NINJ2: variants seen among roughly 807,000 people sequenced by gnomAD.
NINJ2 encodes the protein ninjurin-2.
A neutral mutation model predicts 11.7 loss-of-function variants in NINJ2; 12 were observed. That is an observed-to-expected ratio of 1.02 (90% CI 0.66 to 1.66). NINJ2 has a LOEUF of 1.66. NINJ2 is among the 40% of genes most tolerant of loss of function. NINJ2 has a pLI of 0.00. For missense variants in NINJ2, 187 were observed against 181.8 expected (o/e 1.03, Z -0.16); for synonymous variants, 93 against 76.8 (o/e 1.21, Z -1.10).
In NINJ2 at chr12:564,537, A is replaced by G. The variant is rs1471796949; in HGVS notation, c.*163T>C. 1.3e-5 allele frequency: 2 copies of G among 152,208 alleles called. No individual in the cohort carries two copies. The highest frequency in any genetic ancestry group is 2.4e-5 in the African/African-American group (1 of 41,422). 9.4% of individuals were successfully genotyped at this position (152,208 alleles called of 1,614,324 possible). ...GATGGAAGTCCCTTAGACCAATAAC[A>G]TAAAAATCACTTTTTAACTCAGGTG... On this transcript the variant is annotated 3_prime_UTR_variant, in exon 4 of 4. Transcript: ENST00000305108.
At chr12:652,858 A>T (rs1937814162) in intron 1 of NINJ2, among the ~76,000 whole-genome samples, 1 of 150,862 alleles carries the variant, frequency 6.6e-6, no homozygotes, top group Non-Finnish European at 1.5e-5. Context: ...GAGGCAGGAG[A>T]ATCGCTTGAA....
intron 1 of NINJ2, among the ~76,000 whole-genome samples, chr12:634,405 G>A (rs555419890): frequency 1.8e-3 from 269 of 150,486 alleles, no homozygotes; most frequent in African/African-American, 3.5e-3. Context: ...GATTACTGGC[G>A]CCCACCACCA....
chr12:580,314 A>T lies in NINJ2; in HGVS notation c.34-14136T>A, dbSNP rs61919369. ...TGAATGATGCATTTGTCAGCAGTGC[A>T]TGGTGGCTCACACCTGTAATCCCAG... On this transcript the variant is annotated intron_variant, in intron 1 of 3. Transcript: ENST00000305108. This position sits in a 1 kb window ranked among gnomAD's most constrained non-coding sequence, Gnocchi z 4.7. 6.6e-6 allele frequency among the ~76,000 whole-genome samples: 1 copy of T among 151,976 alleles called. No individual in the cohort carries two copies. The highest frequency in any genetic ancestry group is 2.4e-5 in the African/African-American group (1 of 41,334).
At chr12:578,952 C>A (rs895385889) in intron 1 of NINJ2, among the ~76,000 whole-genome samples, 7 of 152,202 alleles carry the variant, frequency 4.6e-5, no homozygotes, top group African/African-American at 1.7e-4. Flanking sequence ...CTGAGAGCCT[C>A]TCGTTTTTGC....
At position 566,017 on chromosome 12, in the gene NINJ2, G is replaced by T. The variant is rs774711830; in HGVS notation, c.195C>A (p.Thr65=). The stretch of plus-strand genomic sequence containing the variant: ...GAGAGAGGCTGATGAGGGTGACCAG[G>T]GTGGTGTAGTAGTGAGAGGATGGTC... ...EQGPSSHYYT[T]LVTLISLSLL... Residue 65 remains threonine (T), a synonymous_variant, in exon 2 of 4, where the codon ACC becomes ACA. Coordinates refer to ENST00000305108, the MANE Select transcript of NINJ2 (RefSeq NM_016533.6). 1 of 1,614,100 alleles carries T rather than the reference G, an allele frequency of 6.2e-7. No individual in the cohort carries two copies. The highest frequency in any genetic ancestry group is 8.5e-7 in the Non-Finnish European group (1 of 1,180,048).
At chr12:636,690 A>G (rs925168179) in intron 1 of NINJ2, among the ~76,000 whole-genome samples, 1 of 152,144 alleles carries the variant, frequency 6.6e-6, no homozygotes, top group Non-Finnish European at 1.5e-5. Context: ...ACAACTTCTT[A>G]CCTGTTAGGA....
At chr12:654,001 G>C (rs1476100785) in intron 1 of NINJ2, among the ~76,000 whole-genome samples, 3 of 152,150 alleles carry the variant, frequency 2.0e-5, no homozygotes, top group African/African-American at 7.2e-5. Context: ...AGTAAGACTA[G>C]CCTGGGCAAT....
intron 1 of NINJ2, among the ~76,000 whole-genome samples, chr12:659,077 TTA>T (rs56102442): frequency 0.22 from 32,471 of 147,028 alleles, 3,755 homozygotes; most frequent in East Asian, 0.33. Flanking sequence ...ATATAACTGC[TTA>T]TATATATATA....
At chr12:623,273 T>C (rs1400716294) in intron 1 of NINJ2, among the ~76,000 whole-genome samples, 1 of 152,192 alleles carries the variant, frequency 6.6e-6, no homozygotes. Context: ...TGCAGACCTG[T>C]GGTCCTTGAA....
intron 1 of NINJ2, among the ~76,000 whole-genome samples, chr12:587,573 A>AG (rs1022266360): frequency 6.6e-6 from 1 of 152,058 alleles, no homozygotes; most frequent in Non-Finnish European, 1.5e-5. Context: ...TACAGCTGGG[A>AG]GGGGAGCTGG....
At chr12:652,245 CGGAGA>C (rs2120529552) in intron 1 of NINJ2, among the ~76,000 whole-genome samples, 1 of 152,178 alleles carries the variant, frequency 6.6e-6, no homozygotes, top group African/African-American at 2.4e-5. Context: ...CAGACACATG[CGGAGA>C]AGAAAGTGGA....
intron 1 of NINJ2, among the ~76,000 whole-genome samples, chr12:641,979 A>ACACCACCT (rs2120490231): frequency 6.6e-6 from 1 of 152,268 alleles, no homozygotes; most frequent in East Asian, 1.9e-4. Flanking sequence ...ATCTAGCGGA[A>ACACCACCT]CACCACCTTT....
chr12:638,562 C>T (rs573796207), intron 1 of NINJ2, among the ~76,000 whole-genome samples: 1 of 152,282 alleles, frequency 6.6e-6, no homozygotes, highest in East Asian at 1.9e-4. Context: ...ACTACAGGCG[C>T]CCGCCACCAC....
intron 1 of NINJ2, among the ~76,000 whole-genome samples, chr12:582,412 C>T (rs1482729037): frequency 3.1e-5 from 3 of 95,316 alleles, no homozygotes; most frequent in Middle Eastern, 5.6e-3. Flanking sequence ...AATGAATGGA[C>T]GCAGGCAGGC....
At chr12:565,562 C>T (rs1326005873) in intron 2 of NINJ2, 161 bp from the exon 3 acceptor site, 22 of 726,784 alleles carry the variant, frequency 3.0e-5, no homozygotes, top group East Asian at 5.2e-5. Flanking sequence ...CCTCTGCCCT[C>T]GCCAACCAGT....
At chr12:649,022 C>CTATCTATCTA (rs1937742259) in intron 1 of NINJ2, among the ~76,000 whole-genome samples, 1 of 151,770 alleles carries the variant, frequency 6.6e-6, no homozygotes, top group African/African-American at 2.4e-5. Flanking sequence ...ATCTATCTAT[C>CTATCTATCTA]TATCTATCTA....
chr12:571,321 G>A (rs1267801459), intron 1 of NINJ2, among the ~76,000 whole-genome samples: 1 of 152,262 alleles, frequency 6.6e-6, no homozygotes, highest in Non-Finnish European at 1.5e-5. Context: ...GCAACAAGAG[G>A]ACGTGGGTTT....
chr12:604,844 C>T (rs1441247772), intron 1 of NINJ2, among the ~76,000 whole-genome samples: 2 of 152,202 alleles, frequency 1.3e-5, no homozygotes, highest in Non-Finnish European at 2.9e-5. Context: ...CCCTCAAAGC[C>T]TGTTGACAGA....
chr12:565,672 G>A (rs1487522353), intron 2 of NINJ2: 22 of 612,260 alleles, frequency 3.6e-5, no homozygotes, highest in East Asian at 1.1e-4. Flanking sequence ...AGCGGTGAGC[G>A]AGTGAGTGAG....
Sources: allele counts gnomAD v4.1 joint callset (sites outside exome capture counted in the v4.1 genomes callset), GRCh38; gene constraint gnomAD v4.1.1; non-coding constraint Gnocchi (gnomAD v3.1); transcripts MANE v1.5; gene names NCBI Gene and HGNC (gene_info 2026-07-23, HGNC 2026-07-21).